The following UBA1 variants were observed in gnomAD, a reference collection of about 807,000 sequenced individuals.
UBA1 encodes the protein ubiquitin-like modifier-activating enzyme 1.
Under a neutral mutation model 84.7 loss-of-function variants are expected in UBA1, and 4 were observed. The ratio of observed to expected loss-of-function variants is 0.05; its 90% confidence interval spans 0.02 to 0.11. UBA1 has a LOEUF of 0.11. UBA1 is among the 10% of genes least tolerant of loss of function. The pLI is 1.00. For synonymous variants in UBA1, 364 were observed against 362.6 expected, an observed-to-expected ratio of 1.00 and a Z score of -0.04; for missense variants, 513 against 902.8, an observed-to-expected ratio of 0.57 and a Z score of 5.53.
intron 1 of UBA1, among the ~76,000 whole-genome samples, chrX:47,195,583 C>T (rs1411638661): frequency 1.8e-5 from 2 of 110,909 alleles, no homozygotes; most frequent in African/African-American, 6.6e-5. Flanking sequence ...CAGTAGAAAA[C>T]CCTCTTCTCA....
intron 6 of UBA1, 30 bp downstream of exon 6, chrX:47,201,030 C>A: frequency 8.9e-7 from 1 of 1,118,319 alleles, no homozygotes; most frequent in Non-Finnish European, 1.2e-6. Flanking sequence ...CCTCCCTGTC[C>A]CCTTTTCCCC....
intron 14 of UBA1, among the ~76,000 whole-genome samples, chrX:47,204,368 G>A (rs1020920680): frequency 1.8e-5 from 2 of 110,043 alleles, no homozygotes; most frequent in Non-Finnish European, 3.8e-5. Flanking sequence ...TTCTCCCAGC[G>A]GGAGTTAAAC....
Position 47,214,896 on chromosome X carries a change from C to T in UBA1, c.3144C>T (p.Val1048=), listed in dbSNP as rs1381467887. The part of the protein sequence containing the change: ...LCCNDESGED[V]EVPYVRYTIR ...GTAACGACGAGAGCGGCGAGGATGT[C>T]GAGGTTCCCTATGTCCGATACACCA... Residue 1048 remains valine (V), a synonymous_variant, in exon 26 of 26, where the codon GTC becomes GTT. Transcript: ENST00000335972. 3.3e-6 allele frequency: 4 copies of T among 1,209,730 alleles called. No individual in the cohort carries two copies. The East Asian group carries it at 8.9e-5, about 27-fold the overall frequency.
intron 23 of UBA1, among the ~76,000 whole-genome samples, chrX:47,213,418 AT>A (rs1215385439): frequency 2.7e-5 from 3 of 112,300 alleles, no homozygotes; most frequent in African/African-American, 9.7e-5. Flanking sequence ...GCCAAAATTT[AT>A]TGGACGCTTC....
chrX:47,209,713 C>T (rs1323626868), intron 17 of UBA1, 26 bp downstream of exon 17: 4 of 1,193,571 alleles, frequency 3.4e-6, no homozygotes, highest in Non-Finnish European at 4.5e-6. Flanking sequence ...GCCCTCTCGC[C>T]CTGTCCCTGT....
chrX:47,211,355 T>A, intron 20 of UBA1, 130 bp downstream of exon 20: 1 of 752,174 alleles, frequency 1.3e-6, no homozygotes, highest in Non-Finnish European at 2.0e-6. Context: ...ACCCACACCT[T>A]CCTTTGAGCC....
At chrX:47,203,493 C>G in intron 13 of UBA1, 48 bp from the exon 14 acceptor site, 1 of 1,205,543 alleles carries the variant, frequency 8.3e-7, no homozygotes, top group Non-Finnish European at 1.1e-6. Flanking sequence ...TCACACTAAC[C>G]TGCATCACCC....
At chrX:47,197,003 G>A in intron 1 of UBA1, 1 of 474,740 alleles carries the variant, frequency 2.1e-6, no homozygotes, top group Non-Finnish European at 2.6e-6. Flanking sequence ...GAGGCTCAGA[G>A]GAAATGAGAT....
intron 7 of UBA1, 45 bp from the exon 8 acceptor site, chrX:47,201,433 T>C: frequency 8.3e-7 from 1 of 1,211,661 alleles, no homozygotes; most frequent in Non-Finnish European, 1.1e-6. Context: ...TGTCTGCTCT[T>C]GGTACCCTGG....
chrX:47,199,202 C>T lies in UBA1; in HGVS notation c.177-7C>T. ...GCCCTGACCTAGAGTACCCCCTAAC[C>T]TGGCAGGTATGTGTTGGGCCATGAG... is the stretch of plus-strand genomic sequence containing the variant. On this transcript the variant is annotated splice_polypyrimidine_tract_variant and splice_region_variant and intron_variant, in intron 3 of 25. Coordinates refer to ENST00000335972, the MANE Select transcript of UBA1 (RefSeq NM_003334.4). 1 of 1,212,233 alleles carries T rather than the reference C, an allele frequency of 8.2e-7. No homozygotes were observed. Among genetic ancestry groups the T allele is most frequent in the Non-Finnish European group, 1.1e-6 (1 of 895,594 alleles).
chrX:47,193,647 AC>A (rs1556784653), upstream of UBA1, among the ~76,000 whole-genome samples: 1 of 112,340 alleles, frequency 8.9e-6, no homozygotes, highest in African/African-American at 3.2e-5. Flanking sequence ...CCTCTGTTTT[AC>A]CTGTTTTCGT....
chrX:47,207,934 C>T (rs1341614145), intron 16 of UBA1, among the ~76,000 whole-genome samples: 7 of 112,109 alleles, frequency 6.2e-5, no homozygotes, highest in East Asian at 2.8e-4. Flanking sequence ...TGTATTTGCT[C>T]ATTTCTTCCT....
At chrX:47,203,331 TC>T (rs1193358958) in intron 13 of UBA1, 117 bp downstream of exon 13, 23 of 914,659 alleles carry the variant, frequency 2.5e-5, no homozygotes, top group Non-Finnish European at 3.6e-5. Flanking sequence ...ATTCTCCTTA[TC>T]TTGAAGGGAA....
intron 23 of UBA1, among the ~76,000 whole-genome samples, chrX:47,213,435 C>CT (rs1937016107): frequency 8.9e-6 from 1 of 112,611 alleles, no homozygotes; most frequent in African/African-American, 3.2e-5. Flanking sequence ...GCTTCCTACA[C>CT]TTAAGTGCTT....
chrX:47,204,139 G>GTTTT (rs55829376), intron 14 of UBA1, among the ~76,000 whole-genome samples: 1 of 16,861 alleles, frequency 5.9e-5, no homozygotes, highest in Non-Finnish European at 9.7e-5. Context: ...CTCAGCTTCT[G>GTTTT]TTTTTTTTTT....
chrX:47,208,577 A>G (rs1266619977), intron 16 of UBA1: 1 of 105,396 alleles, frequency 9.5e-6, no homozygotes, highest in Non-Finnish European at 2.0e-5. Context: ...TGAAGTTTTT[A>G]TTTTTTATGG....
chrX:47,194,686 C>T (rs1936138268), intron 1 of UBA1, among the ~76,000 whole-genome samples: 1 of 112,017 alleles, frequency 8.9e-6, no homozygotes, highest in Non-Finnish European at 1.9e-5. Flanking sequence ...CACCCTGGCC[C>T]TAGCATCTTC....
intron 23 of UBA1, among the ~76,000 whole-genome samples, chrX:47,213,590 G>T (rs1342464205): frequency 1.8e-5 from 2 of 112,437 alleles, no homozygotes; most frequent in Non-Finnish European, 3.8e-5. Flanking sequence ...AAGAGGCCGG[G>T]CGTGGTGGCT....
chrX:47,207,863 T>A (rs950841961), intron 16 of UBA1, among the ~76,000 whole-genome samples: 2 of 112,124 alleles, frequency 1.8e-5, no homozygotes, highest in African/African-American at 3.2e-5. Context: ...ACAGGACTAT[T>A]GTGAACCACT....
Sources: allele counts gnomAD v4.1 joint callset (sites outside exome capture counted in the v4.1 genomes callset), GRCh38; gene constraint gnomAD v4.1.1; transcripts MANE v1.5; gene names NCBI Gene and HGNC (gene_info 2026-07-23, HGNC 2026-07-21).